The following CDIP1 variants were observed in gnomAD, a reference collection of about 807,000 sequenced individuals.
CDIP1 encodes the protein cell death-inducing p53-target protein 1.
In CDIP1, 9 loss-of-function variants were observed where a neutral mutation model predicts 17.7. That is an observed-to-expected ratio of 0.51 (90% confidence interval 0.31 to 0.89). The LOEUF is 0.89. CDIP1 is among the 40% of genes least tolerant of loss of function. The probability of loss-of-function intolerance (pLI) is 0.05; values close to 1 mark genes in which losing one functional copy is unlikely to be tolerated. For synonymous variants in CDIP1, 117 were observed against 109.5 expected, an observed-to-expected ratio of 1.07 and a Z score of -0.43; for missense variants, 263 against 277.9, an observed-to-expected ratio of 0.95 and a Z score of 0.38.
chr16:4,523,233 T>C (rs2058968914), intron 1 of CDIP1, among the ~76,000 whole-genome samples: 2 of 152,182 alleles, frequency 1.3e-5, no homozygotes, highest in African/African-American at 4.8e-5. Context: ...GACACGTCCC[T>C]GGCTGGGCGC....
chr16:4,534,598 C>T (rs1322105264), intron 1 of CDIP1, among the ~76,000 whole-genome samples: 1 of 151,962 alleles, frequency 6.6e-6, no homozygotes, highest in Admixed American at 6.6e-5. Flanking sequence ...CCCTGGCTGA[C>T]AGGTGAGAAC....
intron 1 of CDIP1, among the ~76,000 whole-genome samples, chr16:4,517,392 C>CT (rs1410994924): frequency 6.6e-6 from 1 of 152,266 alleles, no homozygotes; most frequent in African/African-American, 2.4e-5. Flanking sequence ...CAGCATGACT[C>CT]TCCCACCCTC....
rs1413261604 is a variant in CDIP1, at chr16:4,513,743, C to A, written c.194G>T (p.Gly65Val). The A allele has an allele frequency of 1.9e-6, 3 of 1,613,482 alleles. No homozygotes were observed. The highest frequency in any genetic ancestry group is 1.7e-5 in the Admixed American group (1 of 59,968). Reference protein sequence around the residue: ...EPPGHPMPQPGFIPPHMSADG... With the variant: ...EPPGHPMPQPVFIPPHMSADG... ...TGCACTCATGTGTGGTGGGATGAAGCCAGGCTGGGGCATTGGGTGACCCGG... is the reference window on the plus strand; with the variant it reads ...TGCACTCATGTGTGGTGGGATGAAGACAGGCTGGGGCATTGGGTGACCCGG... The change falls in exon 4 of 6, where the codon GGC becomes GTC. Residue 65 changes from glycine to valine, a missense_variant. Coordinates refer to ENST00000567695, the MANE Select transcript of CDIP1 (RefSeq NM_013399.3). The surrounding 1 kb of genome is among the most constrained non-coding windows in gnomAD (Gnocchi z 4.1).
intron 1 of CDIP1, among the ~76,000 whole-genome samples, chr16:4,534,703 T>TGG (rs2059089740): frequency 7.9e-6 from 1 of 126,980 alleles, no homozygotes; most frequent in Non-Finnish European, 1.6e-5. Context: ...TTTTTTTTTT[T>TGG]TTTTTTTTTT....
intron 1 of CDIP1, among the ~76,000 whole-genome samples, chr16:4,520,389 C>T (rs2058933252): frequency 1.3e-5 from 2 of 152,188 alleles, no homozygotes; most frequent in Non-Finnish European, 2.9e-5. Context: ...AGGTGTGAGC[C>T]ACCGCACTTG....
intron 1 of CDIP1, among the ~76,000 whole-genome samples, chr16:4,522,914 G>C (rs1282196199): frequency 2.0e-5 from 3 of 152,238 alleles, no homozygotes; most frequent in Non-Finnish European, 4.4e-5. Context: ...CACACAGACG[G>C]ATTAGTTCAA....
chr16:4,533,965 T>C (rs2059080531), intron 1 of CDIP1, among the ~76,000 whole-genome samples: 1 of 152,080 alleles, frequency 6.6e-6, no homozygotes, highest in African/African-American at 2.4e-5. Context: ...CTTTTTTGTT[T>C]GTTTTGAAAC....
chr16:4,520,261 C>T (rs1292770520), intron 1 of CDIP1, among the ~76,000 whole-genome samples: 2 of 152,024 alleles, frequency 1.3e-5, no homozygotes, highest in Admixed American at 1.3e-4. Context: ...ACAGGCATGC[C>T]ACCCATCTAA....
At chr16:4,529,901 T>C (rs1596495320) in intron 1 of CDIP1, among the ~76,000 whole-genome samples, 2 of 152,240 alleles carry the variant, frequency 1.3e-5, no homozygotes, top group Admixed American at 6.5e-5. Flanking sequence ...TGGCCGTCCT[T>C]AGCCAGGGAG....
chr16:4,510,987 G>C lies in CDIP1; in HGVS notation c.*1585C>G, dbSNP rs941386894. 2 of 152,238 alleles carry C rather than the reference G, an allele frequency of 1.3e-5. No homozygotes were observed. The highest frequency in any genetic ancestry group is 2.9e-5 in the Non-Finnish European group (2 of 68,064). The allele number at this position is 152,238 out of a possible 1,614,324, so 9.4% of individuals were successfully genotyped here. A position where few individuals can be genotyped will look rare whatever the true frequency, so the allele number is the denominator to read the frequency against. The stretch of plus-strand genomic sequence containing the variant: ...ATGCTGTGCTCAAGCCTGCGGGTAG[G>C]AGGGCTCCAGCTTGCAGATCCCATG... On this transcript the variant is annotated 3_prime_UTR_variant, in exon 6 of 6. Coordinates refer to ENST00000567695, the MANE Select transcript of CDIP1 (RefSeq NM_013399.3).
Position 4,512,910 on chromosome 16 carries a change from G to A in CDIP1, c.396C>T (p.Ile132=). Residue 132 remains isoleucine (I), a synonymous_variant, in exon 5 of 6, where the codon ATC becomes ATT. Transcript: ENST00000567695. The surrounding 1 kb of genome is among the most constrained non-coding windows in gnomAD (Gnocchi z 4.6). ...CCGTCTGCACAGGCGCTCCCTCAAA[G>A]ATCTCTCCCTGCAGCACTGTCACCG... The part of the protein sequence containing the change: ...ATTVTVLQGE[I]FEGAPVQTVC... 1 of 1,574,316 alleles carries A rather than the reference G, an allele frequency of 6.4e-7. No individual in the cohort carries two copies. The highest frequency in any genetic ancestry group is 8.6e-7 in the Non-Finnish European group (1 of 1,159,824).
At chr16:4,537,088 T>TA (rs1457461169) in intron 1 of CDIP1, among the ~76,000 whole-genome samples, 2 of 152,092 alleles carry the variant, frequency 1.3e-5, no homozygotes, top group African/African-American at 2.4e-5. Context: ...ATTAAGAAGA[T>TA]AAAAAAGTCA....
Position 4,513,985 on chromosome 16 carries a change from C to T in CDIP1, c.85+61G>A. 4 of 1,343,848 alleles carry T rather than the reference C, an allele frequency of 3.0e-6. No individual in the cohort carries two copies. The highest frequency in any genetic ancestry group is 4.0e-6 in the Non-Finnish European group (4 of 992,704). 83.2% of individuals were successfully genotyped at this position (1,343,848 alleles called of 1,614,324 possible). ...AGTGGGCATCACCACTTAGAGAGTC[C>T]CAACCATGCCATGGCGGCAGGGGGC... On this transcript the variant is annotated intron_variant, in intron 3 of 5. Coordinates refer to ENST00000567695, the MANE Select transcript of CDIP1 (RefSeq NM_013399.3). The surrounding 1 kb of genome is among the most constrained non-coding windows in gnomAD (Gnocchi z 4.1).
At chr16:4,525,063 G>A (rs2058986289) in intron 1 of CDIP1, among the ~76,000 whole-genome samples, 1 of 152,086 alleles carries the variant, frequency 6.6e-6, no homozygotes, top group African/African-American at 2.4e-5. Flanking sequence ...TCACGCCAAT[G>A]CACTCTAGCC....
Position 4,516,789 on chromosome 16 carries a change from C to T in CDIP1, c.-104-2125G>A, listed in dbSNP as rs191597005. Among the ~76,000 whole-genome samples the T allele has an allele frequency of 6.3e-5, 9 of 143,150 alleles. No homozygotes were observed. In the East Asian group the frequency reaches 8.2e-4, roughly 13 times the overall value. 93.9% of individuals were successfully genotyped at this position (143,150 alleles called of 152,430 possible). A position where few individuals can be genotyped will look rare whatever the true frequency, so the allele number is the denominator to read the frequency against. On this transcript the variant is annotated intron_variant, in intron 1 of 5. Transcript: ENST00000567695. ...GTGGCGCGATCCTGGCTCACTGCAA[C>T]GTCTGCCTCCCGGGTCCCAGCGATT... is the stretch of plus-strand genomic sequence containing the variant.
Position 4,513,976 on chromosome 16 carries a change from TAGAG to T in CDIP1, c.85+66_85+69del, listed in dbSNP as rs753374267. 1.9e-5 allele frequency: 25 copies of T among 1,339,204 alleles called. No homozygotes were observed. The highest frequency in any genetic ancestry group is 1.9e-4 in the Middle Eastern group (1 of 5,308). 83.0% of individuals were successfully genotyped at this position (1,339,204 alleles called of 1,614,324 possible). Reference sequence around the variant, plus strand: ...TAACCCTGGAGTGGGCATCACCACTTAGAGAGTCCCAACCATGCCATGGCGGCAG... The same window carrying T: ...TAACCCTGGAGTGGGCATCACCACTTAGTCCCAACCATGCCATGGCGGCAG... On this transcript the variant is annotated intron_variant, in intron 3 of 5. Coordinates refer to ENST00000567695, the MANE Select transcript of CDIP1 (RefSeq NM_013399.3). The surrounding 1 kb of genome is among the most constrained non-coding windows in gnomAD (Gnocchi z 4.1).
intron 1 of CDIP1, among the ~76,000 whole-genome samples, chr16:4,535,838 G>A (rs898320464): frequency 6.6e-6 from 1 of 152,216 alleles, no homozygotes; most frequent in Non-Finnish European, 1.5e-5. Flanking sequence ...GCACTGTATT[G>A]CAAGGTAGCC....
At chr16:4,526,993 G>A (rs965805307) in intron 1 of CDIP1, among the ~76,000 whole-genome samples, 1 of 151,882 alleles carries the variant, frequency 6.6e-6, no homozygotes, top group Non-Finnish European at 1.5e-5. Context: ...GAATTGTGAT[G>A]AGTCACGGGA....
chr16:4,516,546 G>A (rs2058889669), intron 1 of CDIP1, among the ~76,000 whole-genome samples: 1 of 152,078 alleles, frequency 6.6e-6, no homozygotes, highest in Non-Finnish European at 1.5e-5. Context: ...AGAGACGGGG[G>A]TCTCACTATG....
Sources: gnomAD v4.1 joint callset for allele counts (sites outside exome capture counted in the v4.1 genomes callset) on GRCh38, gnomAD v4.1.1 for gene constraint, Gnocchi (gnomAD v3.1) non-coding constraint, MANE v1.5 for transcripts, NCBI Gene and HGNC (gene_info 2026-07-23, HGNC 2026-07-21) for gene names.